MEGF6: variants seen among roughly 807,000 people sequenced by gnomAD.
MEGF6 encodes multiple epidermal growth factor-like domains protein 6.
In MEGF6, 184 loss-of-function variants were observed where a neutral mutation model predicts 207.1. That is an observed-to-expected ratio of 0.89 (90% confidence interval 0.79 to 1.00). The LOEUF (loss-of-function observed/expected upper bound fraction) is 1.00. MEGF6 is among the 50% of genes least tolerant of loss of function. MEGF6 has a pLI of 0.00. For missense variants in MEGF6, 2,282 were observed against 2,202.9 expected, an observed-to-expected ratio of 1.04 and a Z score of -0.72; for synonymous variants, 1,038 against 910.0, an observed-to-expected ratio of 1.14 and a Z score of -2.53.
At chr1:3,620,712 G>T in the MEGF6 span, among the ~76,000 whole-genome samples, 1 of 152,360 alleles carries the variant, frequency 6.6e-6, no homozygotes, top group East Asian at 1.9e-4. Flanking sequence ...AGAGATCGTA[G>T]AAATAAAGAC....
chr1:3,507,807 TA>T lies in MEGF6; in HGVS notation c.1776del (p.Asn593ThrfsTer118), dbSNP rs1641170564. 1 of 1,612,752 alleles carries T rather than the reference TA, an allele frequency of 6.2e-7. No individual in the cohort carries two copies. The highest frequency in any genetic ancestry group is 8.5e-7 in the Non-Finnish European group (1 of 1,179,888). ...AGGCTGCACGCACCATCCTCACAGT[TA>T]GTTCCACTGACACCCGGGGGGCAGC... The part of the protein sequence containing the change: ...ACRCPPGVSG[T>X]NCEDGCPKGY... On this transcript the variant is annotated frameshift_variant, in exon 14 of 37. Transcript: ENST00000356575. LOFTEE classifies it high-confidence loss of function.
intron 3 of MEGF6, among the ~76,000 whole-genome samples, chr1:3,591,011 G>A (rs1314774059): frequency 1.3e-5 from 2 of 152,176 alleles, no homozygotes; most frequent in African/African-American, 4.8e-5. Context: ...CACTGGCTGG[G>A]GAGACCGTGA....
chr1:3,542,047 G>A (rs1642543918), intron 4 of MEGF6, among the ~76,000 whole-genome samples: 1 of 152,162 alleles, frequency 6.6e-6, no homozygotes, highest in African/African-American at 2.4e-5. Context: ...ACCAGAGAAG[G>A]CGCCTGCTTC....
At chr1:3,555,117 G>C (rs75917126) in intron 4 of MEGF6, among the ~76,000 whole-genome samples, 1 of 152,194 alleles carries the variant, frequency 6.6e-6, no homozygotes, top group Admixed American at 6.5e-5. Flanking sequence ...AACACCCCAC[G>C]CACGGGGCCT....
At chr1:3,617,093 C>G in the MEGF6 span, among the ~76,000 whole-genome samples, 4 of 151,944 alleles carry the variant, frequency 2.6e-5, no homozygotes, top group African/African-American at 4.8e-5. Context: ...ACCCTCCAAC[C>G]CCGGACACAC....
intron 4 of MEGF6, among the ~76,000 whole-genome samples, chr1:3,579,609 C>CG (rs896939006): frequency 1.2e-4 from 18 of 152,212 alleles, no homozygotes; most frequent in Non-Finnish European, 1.8e-4. Flanking sequence ...CACCCACTGA[C>CG]GGGGGGTCTC....
At chr1:3,510,749 C>G (rs1162986227) in intron 10 of MEGF6, 34 bp downstream of exon 10, 45 of 1,576,248 alleles carry the variant, frequency 2.9e-5, no homozygotes, top group Non-Finnish European at 3.7e-5. Context: ...GCTCCCAGGC[C>G]ACCCCAGCTG....
chr1:3,490,266 G>C lies in MEGF6; in HGVS notation c.*262C>G. On this transcript the variant is annotated 3_prime_UTR_variant, in exon 37 of 37. Coordinates refer to ENST00000356575, the MANE Select transcript of MEGF6 (RefSeq NM_001409.4). Reference sequence around the variant, plus strand: ...GGGAGAGCGGGACTTCCTCAGCCCAGGCCCAGAGCGTGCCCCTGGGTTCTG... The same window carrying C: ...GGGAGAGCGGGACTTCCTCAGCCCACGCCCAGAGCGTGCCCCTGGGTTCTG... 1.9e-6 allele frequency: 1 copy of C among 537,072 alleles called. No individual in the cohort carries two copies. Among genetic ancestry groups the C allele is most frequent in the Non-Finnish European group, 3.3e-6 (1 of 306,316 alleles). The allele number at this position is 537,072 out of a possible 1,614,324, so 33.3% of individuals were successfully genotyped here. A position where few individuals can be genotyped will look rare whatever the true frequency, so the allele number is the denominator to read the frequency against.
rs374495822 is a variant in MEGF6 at position 3,509,201 on chromosome 1, C to G, written c.1402G>C (p.Val468Leu). The G allele has an allele frequency of 1.5e-5, 23 of 1,563,058 alleles. No individual in the cohort carries two copies. The East Asian group carries it at 1.9e-4, about 13-fold the overall frequency. The stretch of plus-strand genomic sequence containing the variant: ...ACGGCAATGTGGGGCAGGGGCCGCA[C>G]GAAAGGCAGCTCGCCGTCCAGGTCC... Reference protein sequence around the residue: ...MVDLDGELPFVRPLPHIAVLQ... With the variant: ...MVDLDGELPFLRPLPHIAVLQ... Residue 468 changes from valine (V) to leucine (L), a missense_variant, in exon 12 of 37, where the codon GTG becomes CTG. Coordinates refer to ENST00000356575, the MANE Select transcript of MEGF6 (RefSeq NM_001409.4).
chr1:3,611,587 C>G (rs1260680508), upstream of MEGF6: 2 of 211,340 alleles, frequency 9.5e-6, no homozygotes, highest in African/African-American at 5.3e-5. Context: ...CCCGCCCTGG[C>G]TCGCCCGCCC....
At chr1:3,561,437 C>T (rs916317196) in intron 4 of MEGF6, among the ~76,000 whole-genome samples, 9 of 152,186 alleles carry the variant, frequency 5.9e-5, no homozygotes, top group Non-Finnish European at 1.2e-4. Context: ...CCCCGCTGGA[C>T]CAGAAGGGCC....
In MEGF6 at chr1:3,509,090, G is replaced by A; in HGVS notation, c.1513C>T (p.Leu505Phe). ...CCGCGCTCACCAAACTTCTCTGTGA[G>A]CGTGTGTTCGCCCCGCAACTCTGCC... The part of the protein sequence containing the change: ...EEAELRGEHT[L>F]TEKFVCLDDS... The change falls in exon 12 of 37, where the codon CTC becomes TTC. Residue 505 changes from leucine (L) to phenylalanine (F), a missense_variant. By Grantham distance (22) the Leu-to-Phe change is conservative. Transcript: ENST00000356575. 6.3e-7 allele frequency: 1 copy of A among 1,595,976 alleles called. No individual in the cohort carries two copies. Among genetic ancestry groups the A allele is most frequent in the Non-Finnish European group, 8.5e-7 (1 of 1,172,576 alleles).
chr1:3,531,173 C>T (rs1570070631), intron 4 of MEGF6: 6 of 1,522,650 alleles, frequency 3.9e-6, no homozygotes, highest in East Asian at 2.7e-5. Context: ...TGCGTGCCCG[C>T]GACGCGCGCC....
At chr1:3,549,078 C>T (rs903064195) in intron 4 of MEGF6, among the ~76,000 whole-genome samples, 9 of 152,188 alleles carry the variant, frequency 5.9e-5, no homozygotes, top group African/African-American at 1.7e-4. Context: ...CACCCCAGGC[C>T]GGGCTGAGCT....
At chr1:3,531,029 C>A in intron 4 of MEGF6, 3 of 1,437,240 alleles carry the variant, frequency 2.1e-6, no homozygotes, top group Non-Finnish European at 2.7e-6. Flanking sequence ...GGGAGCGCGC[C>A]GGGGAGCGCC....
At chr1:3,501,338 C>A in intron 18 of MEGF6, 30 bp from the exon 19 acceptor site, 2 of 1,573,598 alleles carry the variant, frequency 1.3e-6, no homozygotes, top group African/African-American at 2.7e-5. Context: ...CCAGTCAGTG[C>A]CCAAGCTGCC....
At chr1:3,595,191 A>C in intron 3 of MEGF6, 147 bp downstream of exon 3, 1 of 593,842 alleles carries the variant, frequency 1.7e-6, no homozygotes, top group East Asian at 2.9e-5. Context: ...AGCCTTTGGC[A>C]AACGGCGTTG....
At chr1:3,613,596 C>T (rs1644354023), upstream of MEGF6, among the ~76,000 whole-genome samples, 1 of 152,124 alleles carries the variant, frequency 6.6e-6, no homozygotes, top group East Asian at 1.9e-4. Context: ...TCCAGCTTAT[C>T]AGAGGAAGAA....
At chr1:3,581,387 A>C (rs1570185871) in intron 3 of MEGF6, among the ~76,000 whole-genome samples, 1 of 151,912 alleles carries the variant, frequency 6.6e-6, no homozygotes, top group Non-Finnish European at 1.5e-5. Flanking sequence ...CCAGCCAAAC[A>C]CCTGCAGCCT....
Sources: allele counts gnomAD v4.1 joint callset (sites outside exome capture counted in the v4.1 genomes callset), GRCh38; gene constraint gnomAD v4.1.1; transcripts MANE v1.5; gene names NCBI Gene and HGNC (gene_info 2026-07-23, HGNC 2026-07-21).